The following MLXIPL variants were observed in gnomAD, a reference collection of about 807,000 sequenced individuals.
MLXIPL encodes carbohydrate-responsive element-binding protein.
MLXIPL carries 49 observed loss-of-function variants against 81.5 expected under a neutral mutation model. The ratio of observed to expected loss-of-function variants is 0.60; its 90% CI spans 0.48 to 0.76. The LOEUF (loss-of-function observed/expected upper bound fraction) is 0.76. MLXIPL is among the 30% of genes least tolerant of loss of function. The pLI is 0.00. For missense variants in MLXIPL, 1,053 were observed against 1,167.0 expected (o/e 0.90, Z 1.42); for synonymous variants, 466 against 485.5 (o/e 0.96, Z 0.53).
chr7:73,630,783 G>A, the MLXIPL span, among the ~76,000 whole-genome samples: 3 of 152,162 alleles, frequency 2.0e-5, no homozygotes, highest in Non-Finnish European at 4.4e-5. Context: ...CTCATCTACT[G>A]CTCCTGCCAG....
At chr7:73,625,635 C>T (rs781874763), upstream of MLXIPL, among the ~76,000 whole-genome samples, 21 of 152,014 alleles carry the variant, frequency 1.4e-4, no homozygotes, top group African/African-American at 3.6e-4. Context: ...GCGTGCTTGG[C>T]TTATAATCCC....
At position 73,624,477 on chromosome 7, in the gene MLXIPL, C is replaced by T; in HGVS notation, c.16G>A (p.Ala6Thr). ...ACCTGCAAGCCCGCGGCCAGACCTG[C>T]CAGCGCGCCGGCCATGGCTGTCGCC... MAGAL[A>T]GLAAGLQVPR... The change falls in exon 1 of 17, where the codon GCA becomes ACA. Residue 6 changes from alanine to threonine, a missense_variant. Ala to Thr is a moderately conservative substitution (Grantham distance 58, BLOSUM62 0). Around this residue, in one of 3 missense-constraint regions of MLXIPL, gnomAD observed 226 missense variants for 216.2 expected, o/e 1.05. Coordinates refer to ENST00000313375, the MANE Select transcript of MLXIPL (RefSeq NM_032951.3). The T allele has an allele frequency of 1.1e-5, 17 of 1,531,372 alleles. No homozygotes were observed. Among genetic ancestry groups the T allele is most frequent in the Non-Finnish European group, 1.5e-5 (17 of 1,145,862 alleles). 94.9% of individuals were successfully genotyped at this position (1,531,372 alleles called of 1,614,324 possible). A position where few individuals can be genotyped will look rare whatever the true frequency, so the allele number is the denominator to read the frequency against.
At chr7:73,610,186 G>A (rs1795599201) in intron 2 of MLXIPL, 1 of 152,216 alleles carries the variant, frequency 6.6e-6, no homozygotes, top group Admixed American at 6.6e-5. Context: ...AATCTCATAG[G>A]ATCTGTGACA....
At chr7:73,603,334 T>G (rs1795037588) in intron 7 of MLXIPL, among the ~76,000 whole-genome samples, 1 of 152,158 alleles carries the variant, frequency 6.6e-6, no homozygotes, top group Non-Finnish European at 1.5e-5. Flanking sequence ...AGACATCGCC[T>G]CCTAGCCCCA....
rs1554595402 is a variant in MLXIPL at position 73,599,602 on chromosome 7, C to A, written c.995G>T (p.Ser332Ile). 1 of 1,611,954 alleles carries A rather than the reference C, an allele frequency of 6.2e-7. No individual in the cohort carries two copies. Among genetic ancestry groups the A allele is most frequent in the South Asian group, 1.1e-5 (1 of 90,916 alleles). Reference protein sequence around the residue: ...SFSPVVDSLFSSGTLGPEVPP... With the variant: ...SFSPVVDSLFISGTLGPEVPP... ...CACCTCTGGGCCCAGGGTCCCACTGCTGAAGAGGGAGTCAACCACGGGGCT... is the reference window on the plus strand; with the variant it reads ...CACCTCTGGGCCCAGGGTCCCACTGATGAAGAGGGAGTCAACCACGGGGCT... The change falls in exon 8 of 17, where the codon AGC becomes ATC. Residue 332 changes from serine to isoleucine, a missense_variant. Transcript: ENST00000313375.
chr7:73,599,186 T>G (rs1794587990), intron 8 of MLXIPL, among the ~76,000 whole-genome samples: 1 of 151,668 alleles, frequency 6.6e-6, no homozygotes, highest in African/African-American at 2.4e-5. Flanking sequence ...CCTGCTGTTC[T>G]CCCATCTGGC....
At chr7:73,643,480 C>A in the MLXIPL span, among the ~76,000 whole-genome samples, 1 of 150,658 alleles carries the variant, frequency 6.6e-6, no homozygotes, top group East Asian at 2.0e-4. Flanking sequence ...CGCCACTGCA[C>A]TCCAGCCTGG....
chr7:73,620,007 G>C (rs556680849), intron 1 of MLXIPL, among the ~76,000 whole-genome samples: 10 of 151,840 alleles, frequency 6.6e-5, no homozygotes, highest in Non-Finnish European at 1.3e-4. Flanking sequence ...AGCAGTGGTG[G>C]GCCTGTAACC....
intron 8 of MLXIPL, among the ~76,000 whole-genome samples, chr7:73,598,510 C>T (rs1449491735): frequency 6.6e-6 from 1 of 152,084 alleles, no homozygotes; most frequent in African/African-American, 2.4e-5. Context: ...CCCATATATC[C>T]ACCAACCCAC....
At chr7:73,608,570 G>T (rs113152193) in intron 2 of MLXIPL, among the ~76,000 whole-genome samples, 2,735 of 150,316 alleles carry the variant, frequency 0.018, 87 homozygotes, top group African/African-American at 0.064. Context: ...GACAGAGCAA[G>T]AATCCATCTC....
chr7:73,604,067 G>T (rs1795093340), intron 7 of MLXIPL, among the ~76,000 whole-genome samples: 1 of 151,480 alleles, frequency 6.6e-6, no homozygotes, highest in East Asian at 2.0e-4. Context: ...AATACAAAAA[G>T]TAGCTGGGTG....
At chr7:73,607,460 G>A (rs782184486) in intron 3 of MLXIPL, 40 bp from the exon 4 acceptor site, 17 of 1,526,868 alleles carry the variant, frequency 1.1e-5, no homozygotes, top group African/African-American at 1.4e-5. Flanking sequence ...GTAGAGAGGG[G>A]AGCACCGCAC....
At chr7:73,624,736 C>T (rs1796628679), upstream of MLXIPL, among the ~76,000 whole-genome samples, 2 of 152,182 alleles carry the variant, frequency 1.3e-5, no homozygotes, top group Non-Finnish European at 1.5e-5. Flanking sequence ...CTGATAGAGC[C>T]GCCCCTACTT....
Position 73,596,065 on chromosome 7 carries a change from G to A in MLXIPL, c.2058+88C>T, listed in dbSNP as rs979956295. Reference sequence around the variant, plus strand: ...ATGGGAGGAGGCAAGAGTGTCTGGAGCACTCCCCTGCAATTGAGTTTTGGG... The same window carrying A: ...ATGGGAGGAGGCAAGAGTGTCTGGAACACTCCCCTGCAATTGAGTTTTGGG... On this transcript the variant is annotated intron_variant, in intron 13 of 16. Coordinates refer to ENST00000313375, the MANE Select transcript of MLXIPL (RefSeq NM_032951.3). The surrounding 1 kb of genome is among the most constrained non-coding windows in gnomAD (Gnocchi z 4.7). 1.2e-4 allele frequency: 193 copies of A among 1,597,192 alleles called. No individual in the cohort carries two copies. The highest frequency in any genetic ancestry group is 4.2e-4 in the Middle Eastern group (2 of 4,734).
chr7:73,599,471 C>T (rs1286270442), intron 8 of MLXIPL, 55 bp downstream of exon 8: 4 of 1,599,464 alleles, frequency 2.5e-6, no homozygotes, highest in Non-Finnish European at 3.4e-6. Flanking sequence ...ATGAACAGGG[C>T]AGGAACAGCT....
At chr7:73,606,231 T>C in intron 5 of MLXIPL, 120 bp from the exon 6 acceptor site, 8 of 1,064,576 alleles carry the variant, frequency 7.5e-6, no homozygotes, top group Non-Finnish European at 1.1e-5. Flanking sequence ...CACACCTCTG[T>C]CACCTTTCCC....
chr7:73,643,302 CAGG>C, the MLXIPL span, among the ~76,000 whole-genome samples: 1 of 152,122 alleles, frequency 6.6e-6, no homozygotes, highest in Admixed American at 6.6e-5. Context: ...ATCACGAGGT[CAGG>C]AGATCGAGAC....
At chr7:73,639,672 C>A in the MLXIPL span, among the ~76,000 whole-genome samples, 2 of 151,908 alleles carry the variant, frequency 1.3e-5, no homozygotes, top group Non-Finnish European at 2.9e-5. Context: ...TGAATTAATA[C>A]CTGCAAAGTG....
the MLXIPL span, among the ~76,000 whole-genome samples, chr7:73,640,441 G>T: frequency 6.8e-6 from 1 of 147,392 alleles, no homozygotes; most frequent in Non-Finnish European, 1.5e-5. Flanking sequence ...AAATGGCAAA[G>T]AACCCTCAAA....
Sources: gnomAD v4.1 joint callset for allele counts (sites outside exome capture counted in the v4.1 genomes callset) on GRCh38, gnomAD v4.1.1 for gene constraint, gnomAD v4.1.1 regional missense constraint, Gnocchi (gnomAD v3.1) non-coding constraint, MANE v1.5 for transcripts, NCBI Gene and HGNC (gene_info 2026-07-23, HGNC 2026-07-21) for gene names.